DCC: variants seen among roughly 807,000 people sequenced by gnomAD.
The protein encoded by DCC is DCC netrin 1 receptor, also known as netrin receptor DCC.
Under a neutral mutation model 172.5 loss-of-function variants are expected in DCC, and 58 were observed. The observed-to-expected ratio is 0.34, with a 90% confidence interval of 0.27 to 0.42. The LOEUF (loss-of-function observed/expected upper bound fraction) is 0.42, where lower values mean the gene tolerates loss of function less well. Among genes scored for constraint, DCC ranks in the 10% least tolerant of loss-of-function variants. The probability of loss-of-function intolerance (pLI) is 1.00; values close to 1 mark genes in which losing one functional copy is unlikely to be tolerated. For missense variants in DCC, 1,740 were observed against 1,791.0 expected (o/e 0.97, Z 0.51); for synonymous variants, 709 against 644.5 (o/e 1.10, Z -1.52).
chr18:52,527,979 G>A (rs2032034253), intron 1 of DCC, among the ~76,000 whole-genome samples: 1 of 152,140 alleles, frequency 6.6e-6, no homozygotes, highest in Non-Finnish European at 1.5e-5. Flanking sequence ...AAATTTGCCT[G>A]CCTTTCCAAA....
intron 5 of DCC, among the ~76,000 whole-genome samples, chr18:52,967,483 C>G (rs2040954286): frequency 6.6e-6 from 1 of 152,148 alleles, no homozygotes; most frequent in South Asian, 2.1e-4. Flanking sequence ...TCAAGTGGGT[C>G]ATTTTATTTC....
At chr18:53,101,204 A>G (rs1470798470) in intron 7 of DCC, among the ~76,000 whole-genome samples, 2 of 152,126 alleles carry the variant, frequency 1.3e-5, no homozygotes, top group African/African-American at 2.4e-5. Flanking sequence ...TCGATTGTGA[A>G]CACTCAGGAT....
chr18:53,278,675 G>C (rs2056833880), intron 12 of DCC, among the ~76,000 whole-genome samples: 1 of 152,042 alleles, frequency 6.6e-6, no homozygotes, highest in Non-Finnish European at 1.5e-5. Flanking sequence ...ATTTCTTTCA[G>C]TTGAGAATTC....
At chr18:52,953,435 G>A (rs1296001980) in intron 5 of DCC, among the ~76,000 whole-genome samples, 1 of 152,142 alleles carries the variant, frequency 6.6e-6, no homozygotes, top group East Asian at 1.9e-4. Context: ...AGGATATATT[G>A]GGTGATTCCT....
intron 1 of DCC, among the ~76,000 whole-genome samples, chr18:52,611,377 C>A (rs1467021404): frequency 1.3e-5 from 2 of 152,002 alleles, no homozygotes; most frequent in Non-Finnish European, 2.9e-5. Flanking sequence ...AGTTTTGTAC[C>A]TAATTTTTTA....
At chr18:53,408,517 G>A (rs1909803855) in intron 19 of DCC, among the ~76,000 whole-genome samples, 1 of 152,156 alleles carries the variant, frequency 6.6e-6, no homozygotes, top group African/African-American at 2.4e-5. Flanking sequence ...CAGATGTCAT[G>A]ATCTTATGTA....
chr18:52,903,760 A>T (rs2039841515), intron 2 of DCC, among the ~76,000 whole-genome samples: 1 of 152,228 alleles, frequency 6.6e-6, no homozygotes, highest in Non-Finnish European at 1.5e-5. Context: ...ATTGCCCTAC[A>T]TAAGCCTCAT....
chr18:52,678,035 A>G (rs868513023), intron 1 of DCC, among the ~76,000 whole-genome samples: 3 of 152,312 alleles, frequency 2.0e-5, no homozygotes, highest in Admixed American at 6.5e-5. Context: ...GTGGGTATAA[A>G]CTACAAAGAT....
In DCC at chr18:52,671,957, C is replaced by T. The variant is rs540441805; in HGVS notation, c.92-80097C>T. The stretch of plus-strand genomic sequence containing the variant: ...ATGAATAATTAAAAAGCCAGATACA[C>T]TTCTGTTGAAGTGTAAGCTTTTATC... On this transcript the variant is annotated intron_variant, in intron 1 of 28. Coordinates refer to ENST00000442544, the MANE Select transcript of DCC (RefSeq NM_005215.4). Among the ~76,000 whole-genome samples the T allele has an allele frequency of 1.1e-4, 17 of 152,274 alleles. No individual in the cohort carries two copies. The South Asian group carries it at 3.5e-3, about 32-fold the overall frequency.
intron 3 of DCC, among the ~76,000 whole-genome samples, chr18:52,910,034 C>T (rs768768134): frequency 5.9e-5 from 9 of 152,030 alleles, no homozygotes; most frequent in East Asian, 3.9e-4. Context: ...AGGCAGGAAG[C>T]GATAAAGGGG....
At chr18:53,208,918 A>G (rs1307731195) in intron 11 of DCC, among the ~76,000 whole-genome samples, 1 of 152,008 alleles carries the variant, frequency 6.6e-6, no homozygotes, top group Non-Finnish European at 1.5e-5. Flanking sequence ...TTTAGTAGAG[A>G]CAGAGTTTCA....
intron 1 of DCC, among the ~76,000 whole-genome samples, chr18:52,410,158 T>C (rs1568156957): frequency 6.6e-6 from 1 of 152,164 alleles, no homozygotes; most frequent in Non-Finnish European, 1.5e-5. Flanking sequence ...ATGCTGTGAC[T>C]CATGCCTGTC....
intron 26 of DCC, among the ~76,000 whole-genome samples, chr18:53,487,309 T>C (rs1465002315): frequency 6.6e-6 from 1 of 152,248 alleles, no homozygotes; most frequent in Non-Finnish European, 1.5e-5. Flanking sequence ...ATTTGGTATC[T>C]GTTGGTTATG....
intron 15 of DCC, among the ~76,000 whole-genome samples, chr18:53,345,111 G>T (rs1266789564): frequency 2.6e-5 from 4 of 151,288 alleles, no homozygotes; most frequent in African/African-American, 9.7e-5. Flanking sequence ...GTGGACCCAA[G>T]AATCCATAAT....
chr18:53,234,025 CA>C (rs1413643915), intron 12 of DCC, among the ~76,000 whole-genome samples: 2 of 152,036 alleles, frequency 1.3e-5, no homozygotes, highest in Admixed American at 6.5e-5. Context: ...CCGAGGAGGG[CA>C]GATCACCTGA....
intron 7 of DCC, among the ~76,000 whole-genome samples, chr18:53,149,139 G>T (rs186442192): frequency 6.6e-6 from 1 of 152,068 alleles, no homozygotes; most frequent in East Asian, 1.9e-4. Context: ...GGGATTACAG[G>T]CATGAGCCAC....
chr18:52,741,572 G>A (rs1274053820), intron 1 of DCC, among the ~76,000 whole-genome samples: 1 of 152,184 alleles, frequency 6.6e-6, no homozygotes, highest in Non-Finnish European at 1.5e-5. Flanking sequence ...GGATGAAATT[G>A]TTCCTCCATT....
At chr18:52,471,289 G>A (rs1348632713) in intron 1 of DCC, among the ~76,000 whole-genome samples, 1 of 152,148 alleles carries the variant, frequency 6.6e-6, no homozygotes, top group Non-Finnish European at 1.5e-5. Context: ...AGCCGAGGCT[G>A]CAGTGAGCCT....
intron 15 of DCC, among the ~76,000 whole-genome samples, chr18:53,383,882 A>G (rs1907950316): frequency 6.6e-6 from 1 of 152,080 alleles, no homozygotes; most frequent in Non-Finnish European, 1.5e-5. Flanking sequence ...CATTTGCTTT[A>G]TTCCATATTA....
Sources: allele counts gnomAD v4.1 joint callset (sites outside exome capture counted in the v4.1 genomes callset), GRCh38; gene constraint gnomAD v4.1.1; transcripts MANE v1.5; gene names NCBI Gene and HGNC (gene_info 2026-07-23, HGNC 2026-07-21).